DCDC1: variants seen among roughly 807,000 people sequenced by gnomAD.
The protein encoded by DCDC1 is doublecortin domain containing 1.
A neutral mutation model predicts 178.3 loss-of-function variants in DCDC1; 200 were observed. The observed-to-expected ratio is 1.12, with a 90% CI of 1.00 to 1.26. The LOEUF (loss-of-function observed/expected upper bound fraction) is 1.26, where lower values mean the gene tolerates loss of function less well. Among genes scored for constraint, DCDC1 ranks in the 50% most tolerant of loss-of-function variants. DCDC1 has a pLI of 0.00. For synonymous variants in DCDC1, 690 were observed against 604.8 expected, an observed-to-expected ratio of 1.14 and a Z score of -2.07; for missense variants, 1,983 against 1,749.2, an observed-to-expected ratio of 1.13 and a Z score of -2.38.
intron 36 of DCDC1, among the ~76,000 whole-genome samples, chr11:30,885,828 C>A (rs1328551030): frequency 6.6e-6 from 1 of 152,044 alleles, no homozygotes; most frequent in African/African-American, 2.4e-5. Flanking sequence ...CATGACCTAG[C>A]AATCCCTCTA....
At chr11:31,022,988 T>C (rs912109255) in intron 20 of DCDC1, among the ~76,000 whole-genome samples, 19 of 151,938 alleles carry the variant, frequency 1.3e-4, no homozygotes, top group African/African-American at 4.1e-4. Flanking sequence ...TAAGAAGAGG[T>C]TCCTTGAGTC....
chr11:31,114,794 T>C (rs1959622023), intron 11 of DCDC1, among the ~76,000 whole-genome samples: 1 of 152,146 alleles, frequency 6.6e-6, no homozygotes, highest in African/African-American at 2.4e-5. Flanking sequence ...AGGATCTGAC[T>C]TATTAACACA....
chr11:30,922,038 C>T (rs904316728), intron 24 of DCDC1, among the ~76,000 whole-genome samples: 1 of 152,186 alleles, frequency 6.6e-6, no homozygotes, highest in African/African-American at 2.4e-5. Flanking sequence ...AGAGTATCGT[C>T]TGAACCAACA....
At chr11:31,013,417 C>T (rs532444541) in intron 20 of DCDC1, among the ~76,000 whole-genome samples, 1 of 152,248 alleles carries the variant, frequency 6.6e-6, no homozygotes, top group Admixed American at 6.5e-5. Flanking sequence ...TGTAACGCAA[C>T]ATGTCTACAC....
intron 36 of DCDC1, among the ~76,000 whole-genome samples, chr11:30,888,098 A>AAGAAAAAGAAAGAAAG (rs1254212107): frequency 1.3e-4 from 14 of 105,502 alleles, no homozygotes; most frequent in South Asian, 1.0e-3. Context: ...GAAAGAAAGA[A>AAGAAAAAGAAAGAAAG]AAAGAAAGAA....
intron 20 of DCDC1, among the ~76,000 whole-genome samples, chr11:31,009,022 T>C (rs928497732): frequency 3.3e-5 from 5 of 152,112 alleles, no homozygotes; most frequent in Non-Finnish European, 7.4e-5. Context: ...ATTCAGGGTA[T>C]ATAGAAATAA....
intron 8 of DCDC1, among the ~76,000 whole-genome samples, chr11:31,262,434 T>C (rs1459572234): frequency 3.9e-5 from 6 of 152,306 alleles, no homozygotes; most frequent in Non-Finnish European, 4.4e-5. Context: ...TAAAAGTATA[T>C]CTAATTCCAA....
At chr11:31,078,527 A>G (rs915535522) in intron 17 of DCDC1, among the ~76,000 whole-genome samples, 2 of 152,226 alleles carry the variant, frequency 1.3e-5, no homozygotes, top group African/African-American at 2.4e-5. Context: ...CAGGATGTTA[A>G]ACAAGACTTT....
chr11:31,315,130 G>C (rs551778603), intron 3 of DCDC1, among the ~76,000 whole-genome samples: 1 of 151,928 alleles, frequency 6.6e-6, no homozygotes, highest in African/African-American at 2.4e-5. Flanking sequence ...CTCCTTAATG[G>C]CATTAGTAAA....
chr11:30,999,695 T>C (rs1157270156), intron 20 of DCDC1, among the ~76,000 whole-genome samples: 1 of 152,082 alleles, frequency 6.6e-6, no homozygotes, highest in African/African-American at 2.4e-5. Flanking sequence ...ACAATGCGAC[T>C]CTTACACATC....
At chr11:31,248,547 G>A (rs1943740287) in intron 8 of DCDC1, among the ~76,000 whole-genome samples, 1 of 151,948 alleles carries the variant, frequency 6.6e-6, no homozygotes, top group African/African-American at 2.4e-5. Flanking sequence ...ACCTAATTCA[G>A]AGACTTAAAA....
intron 20 of DCDC1, among the ~76,000 whole-genome samples, chr11:31,006,846 T>C (rs1951874850): frequency 6.6e-6 from 1 of 152,228 alleles, no homozygotes; most frequent in African/African-American, 2.4e-5. Context: ...TTTAAAATTA[T>C]CTTATACCAC....
At chr11:31,272,719 G>T (rs997556408) in intron 7 of DCDC1, among the ~76,000 whole-genome samples, 2 of 152,238 alleles carry the variant, frequency 1.3e-5, no homozygotes, top group Non-Finnish European at 1.5e-5. Context: ...GCAAGAAGGG[G>T]GTTCCCATGG....
chr11:31,087,035 A>C (rs1334767423), intron 17 of DCDC1, among the ~76,000 whole-genome samples: 1 of 152,084 alleles, frequency 6.6e-6, no homozygotes, highest in African/African-American at 2.4e-5. Flanking sequence ...TTTTCTTTGT[A>C]GGAAGGTTTT....
At chr11:31,141,270 A>G (rs887674218) in intron 9 of DCDC1, among the ~76,000 whole-genome samples, 2 of 152,214 alleles carry the variant, frequency 1.3e-5, no homozygotes, top group Non-Finnish European at 2.9e-5. Flanking sequence ...TTCAATTATT[A>G]ATATCTTTAA....
intron 20 of DCDC1, among the ~76,000 whole-genome samples, chr11:31,052,039 C>T (rs777200355): frequency 1.3e-5 from 2 of 152,148 alleles, no homozygotes; most frequent in Non-Finnish European, 2.9e-5. Context: ...AAATGCTCCA[C>T]TTAAAACATA....
intron 20 of DCDC1, among the ~76,000 whole-genome samples, chr11:30,959,080 A>T (rs1948936388): frequency 6.6e-6 from 1 of 152,146 alleles, no homozygotes; most frequent in African/African-American, 2.4e-5. Flanking sequence ...AATAAGAGAA[A>T]TCTAAAATTG....
At chr11:30,954,775 C>T (rs1010970115) in intron 20 of DCDC1, among the ~76,000 whole-genome samples, 1 of 152,186 alleles carries the variant, frequency 6.6e-6, no homozygotes, top group Admixed American at 6.5e-5. Context: ...TCTGAGCCTG[C>T]AAATTTTCTG....
chr11:31,051,505 C>T (rs951428728), intron 20 of DCDC1, among the ~76,000 whole-genome samples: 4 of 152,160 alleles, frequency 2.6e-5, no homozygotes, highest in South Asian at 2.1e-4. Context: ...AAAAGATCTT[C>T]GCCCAGGCAC....
Sources: gnomAD v4.1 joint callset for allele counts (sites outside exome capture counted in the v4.1 genomes callset) on GRCh38, gnomAD v4.1.1 for gene constraint, MANE v1.5 for transcripts, NCBI Gene and HGNC (gene_info 2026-07-23, HGNC 2026-07-21) for gene names.